Variants in DNA2 observed in about 807,000 individuals in gnomAD.
The protein encoded by DNA2 is DNA replication ATP-dependent helicase/nuclease DNA2.
A neutral mutation model predicts 119.1 loss-of-function variants in DNA2; 101 were observed. The observed-to-expected ratio is 0.85, with a 90% confidence interval of 0.72 to 1.00. DNA2 has a LOEUF of 1.00. Among genes scored for constraint, DNA2 ranks in the 50% least tolerant of loss-of-function variants. The pLI is 0.00. For missense variants in DNA2, 1,121 were observed against 1,255.5 expected (o/e 0.89, Z 1.62); for synonymous variants, 366 against 424.4 (o/e 0.86, Z 1.69).
At chr10:68,424,576 T>C in intron 14 of DNA2, 1 of 1,004,536 alleles carries the variant, frequency 1.0e-6, no homozygotes, top group East Asian at 2.4e-5. Context: ...TTCAATCCCT[T>C]CGTGAACTTG....
At chr10:68,421,431 C>T (rs947195692) in intron 17 of DNA2, among the ~76,000 whole-genome samples, 3 of 151,990 alleles carry the variant, frequency 2.0e-5, no homozygotes, top group African/African-American at 4.8e-5. Flanking sequence ...GAATAAACCT[C>T]CTCCAAAAAA....
chr10:68,466,494 C>T (rs150852858), intron 3 of DNA2, among the ~76,000 whole-genome samples: 1 of 151,540 alleles, frequency 6.6e-6, no homozygotes, highest in African/African-American at 2.4e-5. Context: ...TTTTTTTAAC[C>T]TACAGCAGAG....
chr10:68,414,173 C>A lies in DNA2; in HGVS notation c.*866G>T, dbSNP rs1000760895. Reference sequence around the variant, plus strand: ...ATATTTAACACTCATTAAAAAAAACCCTCAAGAGAAATGGAAGATTTCCAA... The same window carrying A: ...ATATTTAACACTCATTAAAAAAAACACTCAAGAGAAATGGAAGATTTCCAA... On this transcript the variant is annotated 3_prime_UTR_variant, in exon 21 of 21. Transcript: ENST00000358410. 1 of 150,090 alleles carries A rather than the reference C, an allele frequency of 6.7e-6. No homozygotes were observed. Among genetic ancestry groups the A allele is most frequent in the Non-Finnish European group, 1.5e-5 (1 of 67,414 alleles). 9.3% of individuals were successfully genotyped at this position (150,090 alleles called of 1,614,324 possible). A position where few individuals can be genotyped will look rare whatever the true frequency, so the allele number is the denominator to read the frequency against.
In DNA2 at chr10:68,429,390, C is replaced by T. The variant is rs532844137; in HGVS notation, c.2208+1046G>A. On this transcript the variant is annotated intron_variant, in intron 14 of 20. Transcript: ENST00000358410. ...AGAAACCCTGTCTCTACTAAAAATA[C>T]GAAATTAGCAGGACGTGGTCAGGCA... Among the ~76,000 whole-genome samples, 505 of 151,834 alleles carry T rather than the reference C, an allele frequency of 3.3e-3. 6 individuals are homozygous for T. The highest frequency in any genetic ancestry group is 5.4e-3 in the Non-Finnish European group (366 of 67,954).
At chr10:68,462,480 G>A (rs1041426502) in intron 4 of DNA2, among the ~76,000 whole-genome samples, 2 of 152,134 alleles carry the variant, frequency 1.3e-5, no homozygotes, top group African/African-American at 4.8e-5. Context: ...ATAAACAAAA[G>A]CTCTTTCCAG....
rs1335980511 is a variant in DNA2 at position 68,416,753 on chromosome 10, G to A, written c.3070C>T (p.Pro1024Ser). 3 of 1,613,882 alleles carry A rather than the reference G, an allele frequency of 1.9e-6. No individual in the cohort carries two copies. Among genetic ancestry groups the A allele is most frequent in the Non-Finnish European group, 2.5e-6 (3 of 1,179,778 alleles). ...TGATTAAGCAGCTTCTCCAAAGGAG[G>A]ATAGCAATTTAGTGAGGGCACACAC... is the stretch of plus-strand genomic sequence containing the variant. ...LGCVPSLNCY[P>S]PLEKLLNHLN... Residue 1024 changes from proline to serine, a missense_variant, in exon 20 of 21, where the codon CCT (proline) becomes TCT (serine). Pro to Ser is a moderately conservative substitution (Grantham distance 74). Transcript: ENST00000358410.
In DNA2 at chr10:68,422,872, A is replaced by G; in HGVS notation, c.2227T>C (p.Cys743Arg). 1 of 1,580,718 alleles carries G rather than the reference A, an allele frequency of 6.3e-7. No homozygotes were observed. The highest frequency in any genetic ancestry group is 8.6e-7 in the Non-Finnish European group (1 of 1,168,128). Residue 743 changes from cysteine (C) to arginine (R), a missense_variant, in exon 15 of 21, where the codon TGT becomes CGT. Transcript: ENST00000358410. ...YNSQLIVATT[C>R]MGINHPIFSR... ...AATATTGGATGGTTTATTCCCATAC[A>G]TGTTGTTGCAACTATAAGCTAAAAA...
chr10:68,414,980 T>C lies in DNA2; in HGVS notation c.*59A>G. ...TTTTGTATGGTGATAGAATTTTCTG[T>C]ATGGGCACTAGCTAGAGGAGATACT... On this transcript the variant is annotated 3_prime_UTR_variant, in exon 21 of 21. Coordinates refer to ENST00000358410, the MANE Select transcript of DNA2 (RefSeq NM_001080449.3). 1 of 1,051,500 alleles carries C rather than the reference T, an allele frequency of 9.5e-7. No homozygotes were observed. The highest frequency in any genetic ancestry group is 1.4e-6 in the Non-Finnish European group (1 of 717,496). 65.1% of individuals were successfully genotyped at this position (1,051,500 alleles called of 1,614,324 possible).
intron 9 of DNA2, among the ~76,000 whole-genome samples, chr10:68,440,593 A>T (rs985889996): frequency 3.3e-5 from 5 of 152,070 alleles, no homozygotes; most frequent in African/African-American, 1.2e-4. Flanking sequence ...CACCTTGCCC[A>T]GCCCAGAGCA....
chr10:68,444,298 G>A (rs1450982367), intron 8 of DNA2, among the ~76,000 whole-genome samples: 1 of 151,946 alleles, frequency 6.6e-6, no homozygotes, highest in East Asian at 1.9e-4. Context: ...GCTGAGGCAG[G>A]AGAATCGCTT....
intron 14 of DNA2, chr10:68,424,641 A>C: frequency 6.3e-7 from 1 of 1,599,000 alleles, no homozygotes; most frequent in Non-Finnish European, 8.6e-7. Context: ...CGTGCACCGG[A>C]AGATCATGTC....
At chr10:68,469,846 G>T in intron 2 of DNA2, 135 bp downstream of exon 2, 2 of 769,532 alleles carry the variant, frequency 2.6e-6, no homozygotes, top group Non-Finnish European at 3.9e-6. Context: ...CAATTTTCAT[G>T]CAGAATTAGG....
Position 68,471,963 on chromosome 10 carries a change from C to T in DNA2, c.-99G>A, listed in dbSNP as rs781282941. The stretch of plus-strand genomic sequence containing the variant: ...GGGAAAAAGGCGCGAGCCTGCGCAC[C>T]TCGCGCGCATGCGCCAACCCGCAGA... On this transcript the variant is annotated 5_prime_UTR_variant, in exon 1 of 21. Coordinates refer to ENST00000358410, the MANE Select transcript of DNA2 (RefSeq NM_001080449.3). 12 of 1,612,440 alleles carry T rather than the reference C, an allele frequency of 7.4e-6. No homozygotes were observed. Among genetic ancestry groups the T allele is most frequent in the Non-Finnish European group, 6.8e-6 (8 of 1,178,942 alleles).
upstream of DNA2, among the ~76,000 whole-genome samples, chr10:68,472,421 G>A (rs949973993): frequency 6.6e-6 from 1 of 152,072 alleles, no homozygotes; most frequent in Non-Finnish European, 1.5e-5. Flanking sequence ...GGAACTCCTT[G>A]ATCATGCCAC....
intron 4 of DNA2, among the ~76,000 whole-genome samples, chr10:68,462,396 AC>A (rs2133439104): frequency 6.6e-6 from 1 of 152,346 alleles, no homozygotes; most frequent in Non-Finnish European, 1.5e-5. Flanking sequence ...AAATGAATAT[AC>A]ATGTTAATTT....
intron 14 of DNA2, among the ~76,000 whole-genome samples, chr10:68,423,846 C>T (rs1486467558): frequency 2.0e-5 from 3 of 152,218 alleles, no homozygotes; most frequent in Non-Finnish European, 4.4e-5. Context: ...GGGGAACCCA[C>T]ACTTCGACTC....
At chr10:68,432,605 G>A (rs1189998868) in intron 10 of DNA2, 95 bp from the exon 11 acceptor site, 1 of 746,956 alleles carries the variant, frequency 1.3e-6, no homozygotes, top group East Asian at 2.7e-5. Context: ...GAATGGGCCA[G>A]AATAGCTATT....
rs1233075718 is a variant in DNA2 at position 68,446,252 on chromosome 10, G to T, written c.1057+44C>A. The T allele has an allele frequency of 3.9e-6, 4 of 1,023,060 alleles. No homozygotes were observed. The Admixed American group carries it at 6.6e-5, about 17-fold the overall frequency. The allele number at this position is 1,023,060 out of a possible 1,614,324, so 63.4% of individuals were successfully genotyped here. ...ATATGTATCACTAGAAGCTGAAGTG[G>T]GGGGGTGGGCAAAGAAGTAAAACTA... On this transcript the variant is annotated intron_variant, in intron 7 of 20. Coordinates refer to ENST00000358410, the MANE Select transcript of DNA2 (RefSeq NM_001080449.3).
chr10:68,437,974 A>C (rs1384161594), intron 9 of DNA2, among the ~76,000 whole-genome samples: 3 of 152,070 alleles, frequency 2.0e-5, no homozygotes, highest in Admixed American at 2.0e-4. Context: ...AGCCTCCCAA[A>C]GTGCTGGGAT....
Sources: gnomAD v4.1 joint callset for allele counts (sites outside exome capture counted in the v4.1 genomes callset) on GRCh38, gnomAD v4.1.1 for gene constraint, MANE v1.5 for transcripts, NCBI Gene and HGNC (gene_info 2026-07-23, HGNC 2026-07-21) for gene names.